The following DAB2IP variants were observed in gnomAD, a reference collection of about 807,000 sequenced individuals.
DAB2IP encodes disabled homolog 2-interacting protein.
Under a neutral mutation model 107.2 loss-of-function variants are expected in DAB2IP, and 28 were observed. The ratio of observed to expected loss-of-function variants is 0.26; its 90% CI spans 0.19 to 0.36. The LOEUF is 0.36. Among genes scored for constraint, DAB2IP ranks in the 10% least tolerant of loss-of-function variants. The pLI, the probability that DAB2IP is intolerant of heterozygous loss-of-function variation, is 1.00. For missense variants in DAB2IP, 1,400 were observed against 1,644.7 expected (o/e 0.85, Z 2.57); for synonymous variants, 755 against 706.4 (o/e 1.07, Z -1.09).
At chr9:121,687,513 G>T (rs1828939960) in intron 2 of DAB2IP, among the ~76,000 whole-genome samples, 1 of 152,218 alleles carries the variant, frequency 6.6e-6, no homozygotes, top group African/African-American at 2.4e-5. Flanking sequence ...CTTTGAGAGG[G>T]GGTAAGGCGG....
rs183754665 is a variant in DAB2IP at position 121,746,369 on chromosome 9, G to A, written c.363-10644G>A. On this transcript the variant is annotated intron_variant, in intron 3 of 15. Transcript: ENST00000408936. ...CCAGATGAGAAAACTGAGGCACACA[G>A]GTTAATTAATTTGACCAAAGTCACA... 2.6e-3 allele frequency among the ~76,000 whole-genome samples: 391 copies of A among 152,330 alleles called. 1 individual carries two copies. The highest frequency in any genetic ancestry group is 4.2e-3 in the Non-Finnish European group (289 of 68,026).
At chr9:121,604,771 G>C (rs1025374943) in intron 1 of DAB2IP, among the ~76,000 whole-genome samples, 7 of 152,316 alleles carry the variant, frequency 4.6e-5, no homozygotes, top group South Asian at 2.1e-4. Context: ...TGGGCTCTGG[G>C]CTTTAGAAAT....
chr9:121,750,656 C>A (rs1833050490), intron 3 of DAB2IP, among the ~76,000 whole-genome samples: 2 of 152,188 alleles, frequency 1.3e-5, no homozygotes, highest in African/African-American at 4.8e-5. Context: ...ATCCCACTCT[C>A]AATTCCCCCC....
At chr9:121,714,298 A>G (rs750733984) in intron 3 of DAB2IP, among the ~76,000 whole-genome samples, 1 of 152,252 alleles carries the variant, frequency 6.6e-6, no homozygotes, top group African/African-American at 2.4e-5. Flanking sequence ...TGTTGCTGCT[A>G]AATGAGTCAT....
intron 3 of DAB2IP, among the ~76,000 whole-genome samples, chr9:121,724,296 T>G (rs1831102157): frequency 2.7e-5 from 4 of 150,352 alleles, no homozygotes; most frequent in East Asian, 2.0e-4. Context: ...CCCCTCCCCG[T>G]TCCCTGCCCC....
At chr9:121,700,163 T>C (rs899659316) in intron 3 of DAB2IP, among the ~76,000 whole-genome samples, 1 of 152,222 alleles carries the variant, frequency 6.6e-6, no homozygotes, top group African/African-American at 2.4e-5. Context: ...TTCTGTTTCC[T>C]TCTCCTGGGC....
At chr9:121,567,641 T>C (rs1829839242) in intron 1 of DAB2IP, among the ~76,000 whole-genome samples, 1 of 152,146 alleles carries the variant, frequency 6.6e-6, no homozygotes, top group Non-Finnish European at 1.5e-5. Flanking sequence ...AACAGGAACA[T>C]ACCTTGTAAT....
At chr9:121,676,371 A>G (rs1179284046) in intron 1 of DAB2IP, among the ~76,000 whole-genome samples, 4 of 152,160 alleles carry the variant, frequency 2.6e-5, no homozygotes, top group African/African-American at 7.2e-5. Context: ...CCTGCTCAGT[A>G]GGTACCTGGG....
At chr9:121,585,336 A>T (rs1830289426) in intron 1 of DAB2IP, among the ~76,000 whole-genome samples, 2 of 152,084 alleles carry the variant, frequency 1.3e-5, no homozygotes, top group Admixed American at 1.3e-4. Flanking sequence ...CTTACTAGAT[A>T]GATTTGTGAT....
exon 16 of DAB2IP, chr9:121,785,071 A>C (rs1262468685): frequency 1.3e-5 from 2 of 152,590 alleles, no homozygotes; most frequent in South Asian, 2.1e-4. Flanking sequence ...GGCCTGACTG[A>C]CTTTTTTGCT....
chr9:121,580,550 T>C (rs1420435069), intron 1 of DAB2IP, among the ~76,000 whole-genome samples: 1 of 151,918 alleles, frequency 6.6e-6, no homozygotes, highest in African/African-American at 2.4e-5. Flanking sequence ...GCCTGGTGGA[T>C]GGAGGTAGTG....
At chr9:121,641,217 C>T (rs3860153) in intron 1 of DAB2IP, among the ~76,000 whole-genome samples, 3,600 of 152,312 alleles carry the variant, frequency 0.024, 180 homozygotes, top group East Asian at 0.12. Flanking sequence ...AATTTCCAGA[C>T]AAAATGCTCT....
At chr9:121,749,432 A>C (rs1233941167) in intron 3 of DAB2IP, among the ~76,000 whole-genome samples, 1 of 152,196 alleles carries the variant, frequency 6.6e-6, no homozygotes, top group African/African-American at 2.4e-5. Context: ...AGGCCTAGAG[A>C]GTCTGCTGAA....
intron 12 of DAB2IP, 43 bp downstream of exon 12, chr9:121,773,538 C>G: frequency 1.4e-6 from 2 of 1,431,888 alleles, no homozygotes; most frequent in Non-Finnish European, 1.8e-6. Flanking sequence ...CACTTGGGCC[C>G]AGCTGGGGCT....
intron 1 of DAB2IP, among the ~76,000 whole-genome samples, chr9:121,583,638 G>A (rs115040763): frequency 0.017 from 2,524 of 147,640 alleles, 89 homozygotes; most frequent in African/African-American, 0.058. Flanking sequence ...ACAAGGCGGG[G>A]CAGCTGTTGG....
At chr9:121,766,714 C>T in exon 9 of DAB2IP, 1 of 1,614,024 alleles carries the variant, frequency 6.2e-7, no homozygotes, top group Non-Finnish European at 8.5e-7. Flanking sequence ...CACCCAGAAC[C>T]TGGCCAACTT....
chr9:121,625,553 C>T (rs896703520), intron 1 of DAB2IP, among the ~76,000 whole-genome samples: 5 of 152,118 alleles, frequency 3.3e-5, no homozygotes, highest in South Asian at 2.1e-4. Context: ...TGAGCCACCA[C>T]GCCTGGCCAA....
chr9:121,751,998 T>TC, intron 3 of DAB2IP: 1 of 985,376 alleles, frequency 1.0e-6, no homozygotes, highest in Non-Finnish European at 1.2e-6. Context: ...GGGTCTCTAG[T>TC]CCCTGGAGCG....
chr9:121,739,011 G>T (rs1832128865), intron 3 of DAB2IP, among the ~76,000 whole-genome samples: 1 of 152,264 alleles, frequency 6.6e-6, no homozygotes, highest in African/African-American at 2.4e-5. Context: ...TGTCTGCTTT[G>T]TTCAGCACCT....
Sources: gnomAD v4.1 joint callset for allele counts (sites outside exome capture counted in the v4.1 genomes callset) on GRCh38, gnomAD v4.1.1 for gene constraint, MANE v1.5 for transcripts, NCBI Gene and HGNC (gene_info 2026-07-23, HGNC 2026-07-21) for gene names.